The following MYO3B variants were observed in gnomAD, a reference collection of about 807,000 sequenced individuals.
MYO3B encodes the protein myosin-IIIb.
MYO3B carries 156 observed loss-of-function variants against 174.6 expected under a neutral mutation model. The ratio of observed to expected loss-of-function variants is 0.89; its 90% CI spans 0.78 to 1.02. The LOEUF is 1.02. Ranked by LOEUF, MYO3B falls within the 50% of genes least tolerant of loss-of-function variation. The pLI, the probability that MYO3B is intolerant of heterozygous loss-of-function variation, is 0.00. For missense variants in MYO3B, 1,632 were observed against 1,639.4 expected (o/e 1.00, Z 0.08); for synonymous variants, 563 against 569.1 (o/e 0.99, Z 0.15).
intron 14 of MYO3B, among the ~76,000 whole-genome samples, chr2:170,390,861 G>A (rs1019661308): frequency 6.6e-6 from 1 of 152,076 alleles, no homozygotes. Context: ...GGATGTCATG[G>A]CAATGTCACT....
At chr2:170,565,778 A>G (rs1258411151) in intron 32 of MYO3B, among the ~76,000 whole-genome samples, 1 of 152,224 alleles carries the variant, frequency 6.6e-6, no homozygotes, top group African/African-American at 2.4e-5. Context: ...TGCAGGGGGC[A>G]AGGTAGACCA....
intron 24 of MYO3B, among the ~76,000 whole-genome samples, chr2:170,465,937 T>C (rs982232364): frequency 6.6e-6 from 1 of 152,118 alleles, no homozygotes; most frequent in African/African-American, 2.4e-5. Context: ...GTGTCCTTGC[T>C]CCCCTCTTGC....
At chr2:170,543,833 C>G in intron 31 of MYO3B, 59 bp from the exon 32 acceptor site, 3 of 1,417,048 alleles carry the variant, frequency 2.1e-6, no homozygotes, top group Non-Finnish European at 3.0e-6. Flanking sequence ...AAGCCATGTC[C>G]TTAAGGCTGT....
intron 28 of MYO3B, among the ~76,000 whole-genome samples, chr2:170,507,308 C>A (rs1687675035): frequency 6.6e-6 from 1 of 152,170 alleles, no homozygotes; most frequent in Non-Finnish European, 1.5e-5. Flanking sequence ...CCCTTCAGTC[C>A]TAGGCGAGGG....
At chr2:170,235,078 C>G (rs956676830) in intron 6 of MYO3B, among the ~76,000 whole-genome samples, 1 of 152,188 alleles carries the variant, frequency 6.6e-6, no homozygotes, top group African/African-American at 2.4e-5. Context: ...CTCTATTACT[C>G]TGGTCTTCCT....
Position 170,596,432 on chromosome 2 carries a change from C to A in MYO3B, c.3733+52444C>A, listed in dbSNP as rs1054456032. ...CCCCTCTGCTTTCTCCTCACCAGAG[C>A]TGGCTTTTACCTGAGTTTATCTGGG... On this transcript the variant is annotated intron_variant, in intron 32 of 34. Transcript: ENST00000408978. 9.2e-5 allele frequency among the ~76,000 whole-genome samples: 14 copies of A among 152,344 alleles called. No homozygotes were observed. In the East Asian group the frequency reaches 1.9e-3, roughly 21 times the overall value.
At position 170,414,233 on chromosome 2, in the gene MYO3B, G is replaced by C. The variant is rs547185221; in HGVS notation, c.2650+6389G>C. ...ATGGAGTTTCACTCTTGTCACCCAG[G>C]CTGGAGTGCAATGGCGCGATCTCAG... On this transcript the variant is annotated intron_variant, in intron 22 of 34. Coordinates refer to ENST00000408978, the MANE Select transcript of MYO3B (RefSeq NM_138995.5). Among the ~76,000 whole-genome samples, 119 of 152,054 alleles carry C rather than the reference G, an allele frequency of 7.8e-4. 1 individual carries two copies. In the South Asian group the frequency reaches 0.024, roughly 31 times the overall value.
chr2:170,423,974 T>G (rs2094640214), intron 22 of MYO3B, among the ~76,000 whole-genome samples: 1 of 152,240 alleles, frequency 6.6e-6, no homozygotes, highest in Non-Finnish European at 1.5e-5. Flanking sequence ...CAAAGTGTTT[T>G]TCTTGAAACA....
intron 3 of MYO3B, among the ~76,000 whole-genome samples, chr2:170,204,931 G>A (rs368223530): frequency 6.6e-6 from 1 of 152,114 alleles, no homozygotes; most frequent in Non-Finnish European, 1.5e-5. Flanking sequence ...AATTGTCAGT[G>A]TACACCTGAT....
chr2:170,493,038 T>C (rs1268583487), intron 25 of MYO3B, among the ~76,000 whole-genome samples: 1 of 147,780 alleles, frequency 6.8e-6, no homozygotes, highest in East Asian at 1.9e-4. Flanking sequence ...TCAAAGGTAA[T>C]ACTGTTCAAG....
At chr2:170,291,492 T>A (rs187063253) in intron 7 of MYO3B, among the ~76,000 whole-genome samples, 1 of 152,330 alleles carries the variant, frequency 6.6e-6, no homozygotes, top group Admixed American at 6.5e-5. Flanking sequence ...ATTCTGGGTT[T>A]GTCCATGCAA....
intron 9 of MYO3B, 46 bp from the exon 10 acceptor site, chr2:170,381,970 C>T: frequency 4.0e-6 from 6 of 1,505,864 alleles, no homozygotes; most frequent in Non-Finnish European, 5.5e-6. Flanking sequence ...CTTTCTGCTA[C>T]ATTATTTGCT....
chr2:170,205,955 A>T (rs905016786), intron 3 of MYO3B, among the ~76,000 whole-genome samples: 1 of 152,160 alleles, frequency 6.6e-6, no homozygotes, highest in African/African-American at 2.4e-5. Flanking sequence ...GATATATATT[A>T]TATGGGTAGT....
chr2:170,533,721 A>G (rs71415216), intron 30 of MYO3B, among the ~76,000 whole-genome samples: 2 of 152,326 alleles, frequency 1.3e-5, no homozygotes, highest in Admixed American at 1.3e-4. Flanking sequence ...AAAATCATAA[A>G]CAATAAGTAA....
rs61295158 is a variant in MYO3B, at chr2:170,472,673, C to CTATTTATTTATT, written c.3014+5996_3014+6007dup. On this transcript the variant is annotated intron_variant, in intron 25 of 34. Transcript: ENST00000408978. The stretch of plus-strand genomic sequence containing the variant: ...GGATATTTTTCAGCTCACTTTTTAT[C>CTATTTATTTATT]TATTTATTTATTTATTTATTTATTT... 3.7e-3 allele frequency among the ~76,000 whole-genome samples: 520 copies of CTATTTATTTATT among 142,360 alleles called. 1 individual carries two copies. Among genetic ancestry groups the CTATTTATTTATT allele is most frequent in the Non-Finnish European group, 3.9e-3 (257 of 66,006 alleles). 93.4% of individuals were successfully genotyped at this position (142,360 alleles called of 152,430 possible). A position where few individuals can be genotyped will look rare whatever the true frequency, so the allele number is the denominator to read the frequency against.
intron 32 of MYO3B, among the ~76,000 whole-genome samples, chr2:170,638,686 C>T (rs1297571620): frequency 6.6e-6 from 1 of 152,198 alleles, no homozygotes; most frequent in African/African-American, 2.4e-5. Flanking sequence ...TCTCACTGCA[C>T]ACAGATGTTC....
In MYO3B at chr2:170,407,719, T is replaced by TA. The variant is rs754182909; in HGVS notation, c.2526dup (p.Tyr843IlefsTer2). 6.2e-7 allele frequency: 1 copy of TA among 1,613,952 alleles called. No homozygotes were observed. The highest frequency in any genetic ancestry group is 8.5e-7 in the Non-Finnish European group (1 of 1,179,872). The stretch of plus-strand genomic sequence containing the variant: ...CGTTTGCTATTCATGTTACAGGTAT[T>TA]ATATGATGCTTCTGGGGTTCTTGAG... On this transcript the variant is annotated frameshift_variant, in exon 22 of 35. Transcript: ENST00000408978. LOFTEE classifies it high-confidence loss of function.
At chr2:170,281,813 A>G (rs1017379936) in intron 7 of MYO3B, among the ~76,000 whole-genome samples, 1 of 152,280 alleles carries the variant, frequency 6.6e-6, no homozygotes, top group Middle Eastern at 3.4e-3. Flanking sequence ...TTAATAAGAT[A>G]GGCCACTAGC....
chr2:170,606,347 C>T (rs1694808560), intron 32 of MYO3B, among the ~76,000 whole-genome samples: 1 of 152,184 alleles, frequency 6.6e-6, no homozygotes, highest in South Asian at 2.1e-4. Flanking sequence ...TCTGATCTGC[C>T]TCCGGGACAT....
Sources: gnomAD v4.1 joint callset for allele counts (sites outside exome capture counted in the v4.1 genomes callset) on GRCh38, gnomAD v4.1.1 for gene constraint, MANE v1.5 for transcripts, NCBI Gene and HGNC (gene_info 2026-07-23, HGNC 2026-07-21) for gene names.